Variants in NIPAL2 observed in about 807,000 individuals in gnomAD.
NIPAL2 encodes NIPA-like protein 2.
A neutral mutation model predicts 48.9 loss-of-function variants in NIPAL2; 43 were observed. The observed-to-expected ratio is 0.88, with a 90% CI of 0.69 to 1.13. The LOEUF is 1.13. Among genes scored for constraint, NIPAL2 ranks in the 50% most tolerant of loss-of-function variants. The pLI is 0.00. For missense variants in NIPAL2, 446 were observed against 461.4 expected, an observed-to-expected ratio of 0.97 and a Z score of 0.31; for synonymous variants, 167 against 174.6, an observed-to-expected ratio of 0.96 and a Z score of 0.34.
intron 6 of NIPAL2, among the ~76,000 whole-genome samples, chr8:98,206,370 A>C (rs1811038216): frequency 6.6e-6 from 1 of 151,656 alleles, no homozygotes; most frequent in South Asian, 2.1e-4. Flanking sequence ...TATATATTTA[A>C]AACAGCAAGT....
chr8:98,198,724 TTTC>T (rs1450405593), intron 8 of NIPAL2, among the ~76,000 whole-genome samples: 1 of 152,212 alleles, frequency 6.6e-6, no homozygotes, highest in East Asian at 1.9e-4. Flanking sequence ...GCTTCAAACT[TTTC>T]TTCTGTCATT....
At chr8:98,259,674 C>T (rs1428869926) in intron 1 of NIPAL2, among the ~76,000 whole-genome samples, 1 of 152,200 alleles carries the variant, frequency 6.6e-6, no homozygotes, top group East Asian at 1.9e-4. Flanking sequence ...AAAAGTATTG[C>T]ACGCCTCTGG....
chr8:98,212,614 A>G, intron 5 of NIPAL2, 113 bp from the exon 6 acceptor site: 1 of 603,600 alleles, frequency 1.7e-6, no homozygotes, highest in Non-Finnish European at 2.9e-6. Context: ...AGGGTGACTG[A>G]GGTTCCTAGG....
At chr8:98,202,185 C>CG (rs1331830529) in intron 8 of NIPAL2, among the ~76,000 whole-genome samples, 5 of 152,128 alleles carry the variant, frequency 3.3e-5, no homozygotes, top group Admixed American at 3.3e-4. Flanking sequence ...AAATAGAGGC[C>CG]AGAATAGCAA....
At chr8:98,219,284 A>C (rs1215186008) in intron 5 of NIPAL2, among the ~76,000 whole-genome samples, 2 of 152,144 alleles carry the variant, frequency 1.3e-5, no homozygotes, top group African/African-American at 2.4e-5. Flanking sequence ...CTGGATTAGG[A>C]AGTATTTCAA....
intron 4 of NIPAL2, among the ~76,000 whole-genome samples, chr8:98,226,541 C>T (rs1812180769): frequency 6.6e-6 from 1 of 152,164 alleles, no homozygotes; most frequent in Non-Finnish European, 1.5e-5. Flanking sequence ...GATTAACAGG[C>T]AGAGACTCTT....
intron 1 of NIPAL2, among the ~76,000 whole-genome samples, chr8:98,260,684 C>T (rs1444811937): frequency 4.5e-4 from 69 of 152,154 alleles, no homozygotes; most frequent in Non-Finnish European, 5.6e-4. Flanking sequence ...AACTGCAAGG[C>T]GGCAGCGAGG....
chr8:98,212,130 T>C (rs190845970), intron 6 of NIPAL2, among the ~76,000 whole-genome samples: 2 of 152,290 alleles, frequency 1.3e-5, no homozygotes, highest in Admixed American at 6.5e-5. Context: ...AATTACTTAT[T>C]AACAAAATAT....
In NIPAL2 at chr8:98,203,261, A is replaced by G. The variant is rs894096831; in HGVS notation, c.792-65T>C. The G allele has an allele frequency of 8.1e-6, 9 of 1,117,102 alleles. No homozygotes were observed. The Admixed American group carries it at 1.2e-4, about 15-fold the overall frequency. 69.2% of individuals were successfully genotyped at this position (1,117,102 alleles called of 1,614,324 possible). A position where few individuals can be genotyped will look rare whatever the true frequency, so the allele number is the denominator to read the frequency against. On this transcript the variant is annotated intron_variant, in intron 7 of 10. Transcript: ENST00000430223. ...GACATTCAGCAATAAGTTAACAATA[A>G]CTTCAAGAAACACGTGTTCTTTAGC...
In NIPAL2 at chr8:98,191,254, C is replaced by T. The variant is rs1360200268; in HGVS notation, c.*1724G>A. On this transcript the variant is annotated 3_prime_UTR_variant, in exon 11 of 11. Coordinates refer to ENST00000430223, the MANE Select transcript of NIPAL2 (RefSeq NM_001321635.2). ...ATCTTTGTAAACCAGTTTTAAGAGT[C>T]ACCAGAAATCTGTAGTTTAAGGCAC... is the stretch of plus-strand genomic sequence containing the variant. 1 of 152,182 alleles carries T rather than the reference C, an allele frequency of 6.6e-6. No individual in the cohort carries two copies. Among genetic ancestry groups the T allele is most frequent in the Non-Finnish European group, 1.5e-5 (1 of 68,028 alleles). 9.4% of individuals were successfully genotyped at this position (152,182 alleles called of 1,614,324 possible).
intron 1 of NIPAL2, among the ~76,000 whole-genome samples, chr8:98,279,154 A>G (rs1815650252): frequency 6.6e-6 from 1 of 152,174 alleles, no homozygotes; most frequent in South Asian, 2.1e-4. Context: ...AATGGTAGTA[A>G]CACAGTAAAT....
At chr8:98,257,119 T>C (rs1047449524) in intron 1 of NIPAL2, among the ~76,000 whole-genome samples, 4 of 152,152 alleles carry the variant, frequency 2.6e-5, no homozygotes, top group African/African-American at 9.7e-5. Context: ...TAGGCCATGA[T>C]GGGAAGTGGG....
chr8:98,259,070 C>CTTTTTTT (rs869220202), intron 1 of NIPAL2, among the ~76,000 whole-genome samples: 9 of 41,866 alleles, frequency 2.1e-4, no homozygotes, highest in African/African-American at 5.4e-4. Flanking sequence ...TTAAATATTC[C>CTTTTTTT]TTTTTTTTTT....
intron 1 of NIPAL2, among the ~76,000 whole-genome samples, chr8:98,267,046 AT>A (rs968208564): frequency 2.7e-5 from 4 of 150,098 alleles, no homozygotes; most frequent in African/African-American, 4.9e-5. Flanking sequence ...TTTATTCCCC[AT>A]TTTTTTTGCC....
intron 3 of NIPAL2, among the ~76,000 whole-genome samples, chr8:98,248,019 C>G (rs1052539978): frequency 6.6e-6 from 1 of 152,192 alleles, no homozygotes; most frequent in African/African-American, 2.4e-5. Flanking sequence ...AGATGGAAAA[C>G]CGTATATACA....
At chr8:98,217,229 C>T in intron 5 of NIPAL2, 1 of 985,430 alleles carries the variant, frequency 1.0e-6, no homozygotes, top group Non-Finnish European at 1.2e-6. Context: ...AGCTCCTGAG[C>T]CTTGTCTCTG....
At chr8:98,263,548 C>G (rs1009731345) in intron 1 of NIPAL2, among the ~76,000 whole-genome samples, 3 of 149,944 alleles carry the variant, frequency 2.0e-5, no homozygotes, top group African/African-American at 7.5e-5. Context: ...ATAAATTCCT[C>G]GACACATACA....
At chr8:98,241,930 A>G (rs182157349) in intron 3 of NIPAL2, among the ~76,000 whole-genome samples, 152 of 152,280 alleles carry the variant, frequency 1.0e-3, no homozygotes, top group African/African-American at 3.5e-3. Context: ...TTATTACACA[A>G]TGTCACACAG....
chr8:98,256,945 T>G (rs975626772), intron 1 of NIPAL2, among the ~76,000 whole-genome samples: 3 of 152,298 alleles, frequency 2.0e-5, no homozygotes, highest in African/African-American at 7.2e-5. Flanking sequence ...AGAGTACATA[T>G]ATATAATGGA....
Sources: allele counts gnomAD v4.1 joint callset (sites outside exome capture counted in the v4.1 genomes callset), GRCh38; gene constraint gnomAD v4.1.1; transcripts MANE v1.5; gene names NCBI Gene and HGNC (gene_info 2026-07-23, HGNC 2026-07-21).